The following VEPH1 variants were observed in gnomAD, a reference collection of about 807,000 sequenced individuals.
The protein encoded by VEPH1 is ventricular zone-expressed PH domain-containing protein homolog 1.
Under a neutral mutation model 85.2 loss-of-function variants are expected in VEPH1, and 80 were observed. The observed-to-expected ratio is 0.94, with a 90% confidence interval of 0.78 to 1.13. The LOEUF is 1.13. Ranked by LOEUF, VEPH1 falls within the 50% of genes most tolerant of loss-of-function variation. The pLI is 0.00. For missense variants in VEPH1, 955 were observed against 980.5 expected, an observed-to-expected ratio of 0.97 and a Z score of 0.35; for synonymous variants, 297 against 348.0, an observed-to-expected ratio of 0.85 and a Z score of 1.63.
At chr3:157,355,815 G>A (rs1725360112) in intron 9 of VEPH1, among the ~76,000 whole-genome samples, 2 of 151,976 alleles carry the variant, frequency 1.3e-5, no homozygotes, top group African/African-American at 4.8e-5. Context: ...AATGGCTGCG[G>A]GATAATTGAT....
chr3:157,336,742 G>C (rs1023568388), intron 9 of VEPH1, among the ~76,000 whole-genome samples: 4 of 152,178 alleles, frequency 2.6e-5, no homozygotes, highest in African/African-American at 9.7e-5. Flanking sequence ...TCTAGAGCAA[G>C]GGTTGATAAA....
At chr3:157,479,526 C>G (rs2840046) in intron 2 of VEPH1, among the ~76,000 whole-genome samples, 101,060 of 152,080 alleles carry the variant, frequency 0.66, 34,377 homozygotes, top group African/African-American at 0.81. Flanking sequence ...GGGAATACCT[C>G]AGATAAAGCA....
intron 5 of VEPH1, among the ~76,000 whole-genome samples, chr3:157,420,986 G>C (rs948923211): frequency 7.2e-5 from 11 of 152,200 alleles, no homozygotes; most frequent in African/African-American, 2.7e-4. Flanking sequence ...CACTTGGAAA[G>C]TTGATCACCC....
chr3:157,457,095 G>T (rs563255515), intron 4 of VEPH1, among the ~76,000 whole-genome samples: 1 of 152,180 alleles, frequency 6.6e-6, no homozygotes. Context: ...TCAACTCCCT[G>T]GTTAGCTGGA....
chr3:157,501,056 C>T (rs1740060306), intron 1 of VEPH1, among the ~76,000 whole-genome samples: 1 of 152,160 alleles, frequency 6.6e-6, no homozygotes, highest in Admixed American at 6.6e-5. Flanking sequence ...TATAGATGGT[C>T]CACCAGTTAA....
intron 6 of VEPH1, among the ~76,000 whole-genome samples, chr3:157,383,808 G>A (rs1374025456): frequency 6.6e-6 from 1 of 152,132 alleles, no homozygotes; most frequent in African/African-American, 2.4e-5. Context: ...ATATGTTCCT[G>A]GAGACCCTGT....
intron 3 of VEPH1, among the ~76,000 whole-genome samples, chr3:157,460,667 G>A (rs1162394494): frequency 6.6e-6 from 1 of 152,192 alleles, no homozygotes; most frequent in Non-Finnish European, 1.5e-5. Flanking sequence ...TTCCTGGAGG[G>A]GGTAATGTCT....
chr3:157,281,130 CAG>C lies in VEPH1; in HGVS notation c.2128+5425_2128+5426del, dbSNP rs1030195152. ...AGAGAGAGAGAGAGACAGAGAAAGA[CAG>C]AGAGAGAAAGAGGGAGAGAGAAATG... On this transcript the variant is annotated intron_variant, in intron 12 of 13. Coordinates refer to ENST00000362010, the MANE Select transcript of VEPH1 (RefSeq NM_001167912.2). Among the ~76,000 whole-genome samples, 309 of 87,988 alleles carry C rather than the reference CAG, an allele frequency of 3.5e-3. 1 individual carries two copies. The highest frequency in any genetic ancestry group is 6.0e-3 in the Non-Finnish European group (216 of 36,022). 57.7% of individuals were successfully genotyped at this position (87,988 alleles called of 152,430 possible). A position where few individuals can be genotyped will look rare whatever the true frequency, so the allele number is the denominator to read the frequency against.
chr3:157,400,644 C>T (rs1730729416), intron 6 of VEPH1, among the ~76,000 whole-genome samples: 1 of 152,054 alleles, frequency 6.6e-6, no homozygotes, highest in Admixed American at 6.6e-5. Flanking sequence ...CCCTAAATGG[C>T]ATTCAATGTG....
intron 11 of VEPH1, among the ~76,000 whole-genome samples, chr3:157,304,885 T>G (rs1024789617): frequency 6.6e-5 from 10 of 152,042 alleles, no homozygotes; most frequent in African/African-American, 2.4e-4. Context: ...TTTATAAAAG[T>G]AATTTTGTAC....
At chr3:157,288,555 G>A (rs895981514) in intron 11 of VEPH1, among the ~76,000 whole-genome samples, 4 of 151,914 alleles carry the variant, frequency 2.6e-5, no homozygotes, top group Non-Finnish European at 5.9e-5. Context: ...TAATGGATTA[G>A]CATTGGTTTG....
At chr3:157,388,531 T>A (rs759813705) in intron 6 of VEPH1, among the ~76,000 whole-genome samples, 5 of 152,104 alleles carry the variant, frequency 3.3e-5, no homozygotes, top group African/African-American at 4.8e-5. Context: ...CTCTGGAGAA[T>A]GTAGGCAGGT....
intron 6 of VEPH1, among the ~76,000 whole-genome samples, chr3:157,382,388 A>G (rs191072975): frequency 4.1e-4 from 62 of 152,338 alleles, no homozygotes; most frequent in Non-Finnish European, 7.1e-4. Flanking sequence ...AGGCAACATG[A>G]TCTAATCTGA....
intron 4 of VEPH1, among the ~76,000 whole-genome samples, chr3:157,449,574 A>C (rs1162876434): frequency 6.6e-6 from 1 of 152,156 alleles, no homozygotes; most frequent in Non-Finnish European, 1.5e-5. Context: ...ATGATTTTAT[A>C]ATATATTGAT....
At chr3:157,384,156 C>G (rs1349758259) in intron 6 of VEPH1, among the ~76,000 whole-genome samples, 1 of 152,070 alleles carries the variant, frequency 6.6e-6, no homozygotes, top group Non-Finnish European at 1.5e-5. Context: ...GATGGAGAAA[C>G]GTGCCTCAAA....
chr3:157,271,773 A>G lies in VEPH1; in HGVS notation c.2129-6111T>C, dbSNP rs565314872. On this transcript the variant is annotated intron_variant, in intron 12 of 13. Coordinates refer to ENST00000362010, the MANE Select transcript of VEPH1 (RefSeq NM_001167912.2). ...ACATGGAGCTGGGCAGGAGAGATGG[A>G]AAACAGAAGCGATCAGGCACTGATT... 2.4e-4 allele frequency among the ~76,000 whole-genome samples: 37 copies of G among 152,332 alleles called. 2 individuals are homozygous for G. The South Asian group carries it at 7.5e-3, about 31-fold the overall frequency.
At chr3:157,268,359 A>T (rs1714037273) in intron 12 of VEPH1, among the ~76,000 whole-genome samples, 1 of 152,184 alleles carries the variant, frequency 6.6e-6, no homozygotes, top group Admixed American at 6.5e-5. Context: ...ACTATCTGGG[A>T]TGAGGAAAGA....
At chr3:157,398,865 C>T (rs917401201) in intron 6 of VEPH1, among the ~76,000 whole-genome samples, 3 of 151,946 alleles carry the variant, frequency 2.0e-5, no homozygotes, top group Non-Finnish European at 2.9e-5. Flanking sequence ...CTGGTCTGGG[C>T]CCCACTCAAA....
intron 1 of VEPH1, among the ~76,000 whole-genome samples, chr3:157,502,105 G>A (rs1435511351): frequency 2.6e-5 from 4 of 152,098 alleles, no homozygotes; most frequent in Non-Finnish European, 4.4e-5. Flanking sequence ...TGGCTGTGGC[G>A]TGCTGCTACA....
Sources: allele counts gnomAD v4.1 joint callset (sites outside exome capture counted in the v4.1 genomes callset), GRCh38; gene constraint gnomAD v4.1.1; transcripts MANE v1.5; gene names NCBI Gene and HGNC (gene_info 2026-07-23, HGNC 2026-07-21).